The following AGMO variants were observed in gnomAD, a reference collection of about 807,000 sequenced individuals.
AGMO encodes the protein alkylglycerol monooxygenase.
In AGMO, 75 loss-of-function variants were observed where a neutral mutation model predicts 60.2. The observed-to-expected ratio is 1.25, with a 90% confidence interval of 1.03 to 1.51. The LOEUF is 1.51. Among genes scored for constraint, AGMO ranks in the 40% most tolerant of loss-of-function variants. The probability of loss-of-function intolerance (pLI) is 0.00; values close to 1 mark genes in which losing one functional copy is unlikely to be tolerated. For synonymous variants in AGMO, 261 were observed against 177.1 expected (o/e 1.47, Z -3.76); for missense variants, 763 against 525.5 (o/e 1.45, Z -4.42).
chr7:15,261,526 C>CA, intron 12 of AGMO, among the ~76,000 whole-genome samples: 1 of 151,608 alleles, frequency 6.6e-6, no homozygotes, highest in Non-Finnish European at 1.5e-5. Context: ...TGTCAACACA[C>CA]AAAAAAAGTC....
intron 5 of AGMO, among the ~76,000 whole-genome samples, chr7:15,411,906 A>G (rs1340539462): frequency 6.6e-6 from 1 of 152,066 alleles, no homozygotes; most frequent in Non-Finnish European, 1.5e-5. Context: ...ATTTAATATA[A>G]TTTTGAAGAT....
chr7:15,521,660 A>G (rs1200909928), intron 3 of AGMO, among the ~76,000 whole-genome samples: 1 of 152,198 alleles, frequency 6.6e-6, no homozygotes, highest in African/African-American at 2.4e-5. Flanking sequence ...CTTCATGTTA[A>G]AAACACTCAA....
chr7:15,432,096 G>A (rs1781258307), intron 3 of AGMO, among the ~76,000 whole-genome samples: 1 of 151,508 alleles, frequency 6.6e-6, no homozygotes, highest in South Asian at 2.1e-4. Flanking sequence ...ACAAATCCAG[G>A]AAATGGAATT....
At chr7:15,426,359 T>C (rs1024749623) in intron 4 of AGMO, among the ~76,000 whole-genome samples, 4 of 152,158 alleles carry the variant, frequency 2.6e-5, no homozygotes, top group Middle Eastern at 3.2e-3. Flanking sequence ...TGAAAGTTTA[T>C]AGGCCAACAT....
intron 12 of AGMO, among the ~76,000 whole-genome samples, chr7:15,269,044 A>G (rs1294286149): frequency 6.6e-6 from 1 of 152,088 alleles, no homozygotes; most frequent in East Asian, 1.9e-4. Context: ...AGGAACAGAT[A>G]ATAAAGAATT....
intron 2 of AGMO, among the ~76,000 whole-genome samples, chr7:15,559,757 A>C (rs1785250197): frequency 6.6e-6 from 1 of 152,090 alleles, no homozygotes; most frequent in Admixed American, 6.6e-5. Flanking sequence ...AAACTATTGT[A>C]GTTATTCAGA....
At chr7:15,287,977 G>T (rs1214362832) in intron 12 of AGMO, among the ~76,000 whole-genome samples, 1 of 151,954 alleles carries the variant, frequency 6.6e-6, no homozygotes, top group Non-Finnish European at 1.5e-5. Flanking sequence ...GACTAGAATA[G>T]CTGTCACTTT....
chr7:15,425,847 A>G lies in AGMO; in HGVS notation c.513+5158T>C, dbSNP rs1438033438. On this transcript the variant is annotated intron_variant, in intron 4 of 12. Coordinates refer to ENST00000342526, the MANE Select transcript of AGMO (RefSeq NM_001004320.2). ...TCTTATAAAATTAATTTCAATACCA[A>G]CGTAGAGAACATAGCAATTTTAAAG... 8.5e-5 allele frequency among the ~76,000 whole-genome samples: 13 copies of G among 152,304 alleles called. No homozygotes were observed. The East Asian group carries it at 2.5e-3, about 29-fold the overall frequency.
chr7:15,544,225 G>T (rs1354471166), intron 3 of AGMO, among the ~76,000 whole-genome samples: 2 of 151,658 alleles, frequency 1.3e-5, no homozygotes, highest in Non-Finnish European at 2.9e-5. Flanking sequence ...AGGGGGAGAG[G>T]GTGGGGGTGG....
At chr7:15,120,111 C>T in the AGMO span, among the ~76,000 whole-genome samples, 33 of 152,086 alleles carry the variant, frequency 2.2e-4, no homozygotes, top group African/African-American at 7.9e-4. Context: ...CCTCTCCCTA[C>T]CAAAATCAAA....
chr7:15,243,464 T>C (rs1023409852), intron 12 of AGMO, among the ~76,000 whole-genome samples: 12 of 152,088 alleles, frequency 7.9e-5, no homozygotes, highest in Non-Finnish European at 1.0e-4. Context: ...TGTTTGGGAA[T>C]TGGAAGAATC....
the AGMO span, among the ~76,000 whole-genome samples, chr7:15,153,892 C>T: frequency 0.73 from 111,378 of 151,928 alleles, 41,237 homozygotes; most frequent in East Asian, 0.98. Context: ...GGTATTTTGA[C>T]GGTGGTATTT....
intron 12 of AGMO, among the ~76,000 whole-genome samples, chr7:15,343,946 C>A (rs1174383279): frequency 6.6e-6 from 1 of 152,022 alleles, no homozygotes; most frequent in East Asian, 1.9e-4. Flanking sequence ...ATTTAGAAAA[C>A]AATAATAATA....
At chr7:15,336,852 G>A (rs1001668246) in intron 12 of AGMO, among the ~76,000 whole-genome samples, 1 of 152,040 alleles carries the variant, frequency 6.6e-6, no homozygotes. Context: ...AAATCAAGAT[G>A]GCCTAAATTG....
chr7:15,460,209 A>T (rs13222678), intron 3 of AGMO, among the ~76,000 whole-genome samples: 2 of 150,882 alleles, frequency 1.3e-5, no homozygotes, highest in African/African-American at 2.4e-5. Context: ...CAGGTTCAAG[A>T]GACTCTCCTG....
chr7:15,290,007 G>A (rs1360457350), intron 12 of AGMO, among the ~76,000 whole-genome samples: 2 of 119,926 alleles, frequency 1.7e-5, no homozygotes, highest in Non-Finnish European at 3.3e-5. Flanking sequence ...GATGGACAGT[G>A]CAGTCTTTGG....
At chr7:15,410,282 A>G (rs1406788848) in intron 5 of AGMO, among the ~76,000 whole-genome samples, 1 of 151,840 alleles carries the variant, frequency 6.6e-6, no homozygotes, top group Non-Finnish European at 1.5e-5. Context: ...ATAGCAATAG[A>G]TTCTCACAAA....
chr7:15,393,082 A>G (rs958421485), intron 6 of AGMO, among the ~76,000 whole-genome samples: 1 of 152,218 alleles, frequency 6.6e-6, no homozygotes, highest in African/African-American at 2.4e-5. Flanking sequence ...AAAGTCGAAG[A>G]ATTAAAAGTC....
At chr7:15,322,866 C>A (rs1781217620) in intron 12 of AGMO, among the ~76,000 whole-genome samples, 1 of 144,118 alleles carries the variant, frequency 6.9e-6, no homozygotes, top group Admixed American at 7.2e-5. Flanking sequence ...ACACATAACA[C>A]AAAATTATCA....
Sources: allele counts gnomAD v4.1 joint callset (sites outside exome capture counted in the v4.1 genomes callset), GRCh38; gene constraint gnomAD v4.1.1; transcripts MANE v1.5; gene names NCBI Gene and HGNC (gene_info 2026-07-23, HGNC 2026-07-21).